The following PCDH15 variants were observed in gnomAD, a reference collection of about 807,000 sequenced individuals.
PCDH15 encodes the protein protocadherin related 15.
In PCDH15, 129 loss-of-function variants were observed where a neutral mutation model predicts 178.5. The observed-to-expected ratio is 0.72, with a 90% CI of 0.63 to 0.84. The LOEUF (loss-of-function observed/expected upper bound fraction) is 0.84. Among genes scored for constraint, PCDH15 ranks in the 40% least tolerant of loss-of-function variants. PCDH15 has a pLI of 0.00. For synonymous variants in PCDH15, 800 were observed against 732.0 expected (o/e 1.09, Z -1.50); for missense variants, 2,230 against 2,099.9 (o/e 1.06, Z -1.21).
intron 1 of PCDH15, among the ~76,000 whole-genome samples, chr10:54,778,024 A>G (rs1221677905): frequency 6.6e-6 from 1 of 152,234 alleles, no homozygotes; most frequent in Non-Finnish European, 1.5e-5. Flanking sequence ...GTGTGCAGAC[A>G]GAATCAGAAG....
intron 5 of PCDH15, among the ~76,000 whole-genome samples, chr10:54,351,125 G>T (rs973262534): frequency 2.6e-5 from 4 of 151,558 alleles, no homozygotes; most frequent in Non-Finnish European, 5.9e-5. Context: ...AAAAAAGATA[G>T]ATAGATAGTA....
At chr10:55,598,531 T>TAG in intron 2 of PCDH15, among the ~76,000 whole-genome samples, 1 of 32,534 alleles carries the variant, frequency 3.1e-5, no homozygotes, top group African/African-American at 2.2e-4. Flanking sequence ...TATATATATA[T>TAG]ATATATATAT....
chr10:55,140,777 A>G (rs1244837060), intron 2 of PCDH15, among the ~76,000 whole-genome samples: 1 of 151,750 alleles, frequency 6.6e-6, no homozygotes, highest in Non-Finnish European at 1.5e-5. Context: ...TTTCTTTTAG[A>G]GTTATTGGGC....
rs1363040684 is a variant in PCDH15, at chr10:54,527,845, T to C, written c.124A>G (p.Thr42Ala). ...CKLARGGPPA[T>A]IVAIDEESRN... ...CTTTCTTCATCAATAGCAACTATGG[T>C]AGCTGGTGGTCCTCCCCTAGCTAGT... The change falls in exon 3 of 38, where the codon ACC (threonine) becomes GCC (alanine). Residue 42 changes from threonine to alanine, a missense_variant. Thr to Ala is a moderately conservative substitution (Grantham distance 58). Transcript: ENST00000644397. 23 of 1,612,058 alleles carry C rather than the reference T, an allele frequency of 1.4e-5. No individual in the cohort carries two copies. The highest frequency in any genetic ancestry group is 2.0e-5 in the Non-Finnish European group (23 of 1,178,546).
In PCDH15 at chr10:55,524,851, C is replaced by T. The variant is rs559866266; in HGVS notation, c.-156+102774G>A. Among the ~76,000 whole-genome samples the T allele has an allele frequency of 3.3e-5, 5 of 151,820 alleles. No homozygotes were observed. The South Asian group carries it at 1.0e-3, about 31-fold the overall frequency. ...TTTAAAATAACAAAATAAATTTAAA[C>T]ATCAATTAAGGCAATTAGTTAACTT... On this transcript the variant is annotated intron_variant, in intron 2 of 5. Transcript: ENST00000613346.
intron 2 of PCDH15, among the ~76,000 whole-genome samples, chr10:54,559,017 T>C (rs1009600149): frequency 6.6e-6 from 1 of 152,008 alleles, no homozygotes; most frequent in African/African-American, 2.4e-5. Flanking sequence ...GGCACAAGAA[T>C]TGCGCAGGTT....
In PCDH15 at chr10:53,820,155, T is replaced by C. The variant is rs1327765165; in HGVS notation, c.4433+10A>G. On this transcript the variant is annotated intron_variant, in intron 33 of 37. Coordinates refer to ENST00000644397, the MANE Select transcript of PCDH15 (RefSeq NM_001384140.1). ...ACACTCACATTAAAGGCTTACACAA[T>C]TGTGAATACCTTGTCAGAGTCCGCC... 1 of 397,792 alleles carries C rather than the reference T, an allele frequency of 2.5e-6. No individual in the cohort carries two copies. 24.6% of individuals were successfully genotyped at this position (397,792 alleles called of 1,614,324 possible).
intron 3 of PCDH15, among the ~76,000 whole-genome samples, chr10:54,889,094 T>A (rs1327120972): frequency 1.3e-5 from 2 of 151,928 alleles, no homozygotes; most frequent in Non-Finnish European, 2.9e-5. Flanking sequence ...ATCAGTGACC[T>A]GGCTCATTGA....
intron 2 of PCDH15, among the ~76,000 whole-genome samples, chr10:54,918,139 A>C (rs1837390809): frequency 6.6e-6 from 1 of 152,104 alleles, no homozygotes; most frequent in Non-Finnish European, 1.5e-5. Flanking sequence ...CTAGCTTGTT[A>C]AGGCCTTTAT....
intron 3 of PCDH15, among the ~76,000 whole-genome samples, chr10:54,490,922 A>G (rs944763809): frequency 2.0e-5 from 3 of 152,154 alleles, no homozygotes; most frequent in African/African-American, 7.2e-5. Context: ...CCCAACAATT[A>G]CATGTTACTC....
At chr10:55,190,264 T>TA (rs34045347) in intron 1 of PCDH15, among the ~76,000 whole-genome samples, 90,970 of 149,718 alleles carry the variant, frequency 0.61, 28,181 homozygotes, top group East Asian at 0.67. Context: ...CTGAAGTTAT[T>TA]AAAAAAAAAA....
At chr10:54,421,026 T>A (rs1452099622) in intron 3 of PCDH15, among the ~76,000 whole-genome samples, 1 of 152,128 alleles carries the variant, frequency 6.6e-6, no homozygotes, top group Non-Finnish European at 1.5e-5. Flanking sequence ...CTTCGCATGT[T>A]GCATTATTAT....
intron 2 of PCDH15, among the ~76,000 whole-genome samples, chr10:55,022,619 A>T (rs1840358825): frequency 6.6e-6 from 1 of 152,102 alleles, no homozygotes; most frequent in Non-Finnish European, 1.5e-5. Flanking sequence ...CTGTAAATTT[A>T]AAAATACATA....
At chr10:54,351,056 A>G (rs1415840998) in intron 5 of PCDH15, among the ~76,000 whole-genome samples, 2 of 152,008 alleles carry the variant, frequency 1.3e-5, no homozygotes, top group African/African-American at 4.8e-5. Context: ...GTGAGCTGAG[A>G]TCGTGGCACT....
chr10:54,043,135 A>G (rs1472545485), intron 18 of PCDH15, among the ~76,000 whole-genome samples: 2 of 152,154 alleles, frequency 1.3e-5, no homozygotes, highest in African/African-American at 4.8e-5. Context: ...TTAATGCCAT[A>G]TCTGTATAAT....
chr10:53,824,860 T>G (rs759939473), intron 32 of PCDH15, among the ~76,000 whole-genome samples: 10 of 151,998 alleles, frequency 6.6e-5, no homozygotes, highest in Non-Finnish European at 1.5e-4. Flanking sequence ...TTCTTAAAAT[T>G]TAAGAATTTT....
At chr10:54,544,639 G>T (rs548762615) in intron 2 of PCDH15, among the ~76,000 whole-genome samples, 1 of 152,216 alleles carries the variant, frequency 6.6e-6, no homozygotes, top group East Asian at 1.9e-4. Context: ...GCACTTTATA[G>T]TTGATAACAA....
chr10:54,179,218 C>A (rs1343729639), intron 13 of PCDH15, among the ~76,000 whole-genome samples: 1 of 149,896 alleles, frequency 6.7e-6, no homozygotes, highest in Non-Finnish European at 1.5e-5. Context: ...CACATATACA[C>A]CATGGAATAC....
chr10:55,507,397 C>A lies in PCDH15; in HGVS notation c.-156+120228G>T, dbSNP rs566586941. ...ACACAAACACACACACGCACACATACACACACATAAACTAGCTGAGTGCAG... is the reference window on the plus strand; with the variant it reads ...ACACAAACACACACACGCACACATAAACACACATAAACTAGCTGAGTGCAG... On this transcript the variant is annotated intron_variant, in intron 2 of 5. Coordinates refer to the PCDH15 transcript ENST00000613346. Among the ~76,000 whole-genome samples the A allele has an allele frequency of 4.6e-5, 7 of 151,488 alleles. No individual in the cohort carries two copies. In the South Asian group the frequency reaches 1.5e-3, roughly 31 times the overall value.
Sources: gnomAD v4.1 joint callset for allele counts (sites outside exome capture counted in the v4.1 genomes callset) on GRCh38, gnomAD v4.1.1 for gene constraint, MANE v1.5 for transcripts, NCBI Gene and HGNC (gene_info 2026-07-23, HGNC 2026-07-21) for gene names.